The following MAP3K20 variants were observed in gnomAD, a reference collection of about 807,000 sequenced individuals.
The protein encoded by MAP3K20 is mitogen-activated protein kinase kinase kinase 20, also known as HCCS-4.
A neutral mutation model predicts 85.7 loss-of-function variants in MAP3K20; 40 were observed. That is an observed-to-expected ratio of 0.47 (90% CI 0.36 to 0.61). The LOEUF (loss-of-function observed/expected upper bound fraction) is 0.61. MAP3K20 is among the 20% of genes least tolerant of loss of function. The pLI, the probability that MAP3K20 is intolerant of heterozygous loss-of-function variation, is 0.00. For missense variants in MAP3K20, 817 were observed against 961.7 expected (o/e 0.85, Z 1.99); for synonymous variants, 325 against 327.7 (o/e 0.99, Z 0.09).
intron 5 of MAP3K20, 86 bp downstream of exon 5, chr2:173,187,709 T>A: frequency 8.0e-7 from 1 of 1,251,464 alleles, no homozygotes; most frequent in Non-Finnish European, 1.1e-6. Flanking sequence ...CTTTTACATA[T>A]CTTTTGTAAC....
At chr2:173,086,400 T>A (rs1398352789) in intron 1 of MAP3K20, among the ~76,000 whole-genome samples, 2 of 152,236 alleles carry the variant, frequency 1.3e-5, no homozygotes, top group Admixed American at 1.3e-4. Context: ...TTCATGTATA[T>A]GGGAGTGGAA....
chr2:173,143,935 T>A (rs995582726), intron 2 of MAP3K20, among the ~76,000 whole-genome samples: 1 of 151,858 alleles, frequency 6.6e-6, no homozygotes, highest in Non-Finnish European at 1.5e-5. Flanking sequence ...TACATTGAAA[T>A]AAATTCATCA....
intron 2 of MAP3K20, among the ~76,000 whole-genome samples, chr2:173,138,876 AC>A (rs1215690483): frequency 1.3e-5 from 2 of 152,230 alleles, no homozygotes; most frequent in African/African-American, 4.8e-5. Flanking sequence ...GGGCCATAGT[AC>A]CACATGAATT....
At chr2:173,144,655 G>A (rs1387990785) in intron 2 of MAP3K20, among the ~76,000 whole-genome samples, 1 of 151,974 alleles carries the variant, frequency 6.6e-6, no homozygotes, top group Non-Finnish European at 1.5e-5. Context: ...CCATGATCTC[G>A]CCACTGCACT....
intron 1 of MAP3K20, among the ~76,000 whole-genome samples, chr2:173,084,781 A>G (rs1182559859): frequency 1.3e-5 from 2 of 152,202 alleles, no homozygotes; most frequent in Non-Finnish European, 2.9e-5. Flanking sequence ...GAAAACCATA[A>G]TTTCCATTAA....
intron 8 of MAP3K20, among the ~76,000 whole-genome samples, chr2:173,202,440 C>A (rs1277388496): frequency 6.6e-6 from 1 of 152,160 alleles, no homozygotes; most frequent in African/African-American, 2.4e-5. Context: ...TGCAAAACTT[C>A]TTTGGCAAAC....
chr2:173,228,304 C>T (rs1205088283), intron 11 of MAP3K20, among the ~76,000 whole-genome samples: 2 of 152,098 alleles, frequency 1.3e-5, no homozygotes, highest in Non-Finnish European at 2.9e-5. Flanking sequence ...CCATTCCCAT[C>T]CTTCCCTCCT....
At chr2:173,182,308 C>T (rs906228966) in intron 3 of MAP3K20, among the ~76,000 whole-genome samples, 1 of 152,148 alleles carries the variant, frequency 6.6e-6, no homozygotes, top group East Asian at 1.9e-4. Context: ...GGTTGCCCAA[C>T]TTTATGAACT....
chr2:173,119,221 G>A (rs751609436), intron 2 of MAP3K20, among the ~76,000 whole-genome samples: 5 of 152,214 alleles, frequency 3.3e-5, no homozygotes, highest in Non-Finnish European at 7.3e-5. Context: ...CAGCCGACTG[G>A]GTGGTGTCAC....
At chr2:173,150,860 C>T (rs1210885448) in intron 2 of MAP3K20, among the ~76,000 whole-genome samples, 2 of 151,988 alleles carry the variant, frequency 1.3e-5, no homozygotes, top group African/African-American at 4.8e-5. Flanking sequence ...CCACACCCGG[C>T]CAAAAAAAAT....
At chr2:173,180,560 C>T (rs1018864447) in intron 3 of MAP3K20, among the ~76,000 whole-genome samples, 1 of 152,120 alleles carries the variant, frequency 6.6e-6, no homozygotes, top group African/African-American at 2.4e-5. Context: ...CCTGTAGTCC[C>T]AGCTACTAGA....
Position 173,258,754 on chromosome 2 carries a change from A to T in MAP3K20, c.1415A>T (p.Tyr472Phe), listed in dbSNP as rs1558915116. Residue 472 changes from tyrosine (Y) to phenylalanine (F), a missense_variant, in exon 17 of 20, where the codon TAC becomes TTC. By Grantham distance (22) the Tyr-to-Phe change is conservative (BLOSUM62 3). Around this residue, in one of 4 missense-constraint regions of MAP3K20, gnomAD observed 454 missense variants for 476.9 expected, o/e 0.95. Coordinates refer to ENST00000375213, the MANE Select transcript of MAP3K20 (RefSeq NM_016653.3). Reference protein sequence around the residue: ...EMDGDEIAITYIKDVTFNTNL... With the variant: ...EMDGDEIAITFIKDVTFNTNL... ...GATGGGGATGAAATTGCAATAACCT[A>T]CATAAAAGATGTGACATTCAACACT... 1 of 1,613,276 alleles carries T rather than the reference A, an allele frequency of 6.2e-7. No homozygotes were observed. The highest frequency in any genetic ancestry group is 1.1e-5 in the South Asian group (1 of 90,986).
intron 2 of MAP3K20, among the ~76,000 whole-genome samples, chr2:173,132,356 C>G (rs968362900): frequency 6.6e-6 from 1 of 152,168 alleles, no homozygotes; most frequent in Non-Finnish European, 1.5e-5. Context: ...CTTTCGTCTT[C>G]TCCTCCGGCT....
At chr2:173,264,539 A>G (rs1345786693) in intron 19 of MAP3K20, among the ~76,000 whole-genome samples, 1 of 152,206 alleles carries the variant, frequency 6.6e-6, no homozygotes, top group Non-Finnish European at 1.5e-5. Flanking sequence ...CCCGTCAGCA[A>G]TTCTGCTTTG....
intron 14 of MAP3K20, among the ~76,000 whole-genome samples, chr2:173,233,413 TGTG>T: frequency 6.6e-6 from 1 of 152,328 alleles, no homozygotes; most frequent in Non-Finnish European, 1.5e-5. Context: ...CTGTGTTCAT[TGTG>T]GTGGTCGTGG....
intron 16 of MAP3K20, among the ~76,000 whole-genome samples, chr2:173,249,884 A>G (rs1018266398): frequency 6.6e-6 from 1 of 152,184 alleles, no homozygotes; most frequent in Non-Finnish European, 1.5e-5. Context: ...AGTATGTCTC[A>G]CTTGATTTGT....
intron 7 of MAP3K20, among the ~76,000 whole-genome samples, chr2:173,191,714 G>C (rs912296074): frequency 6.6e-6 from 1 of 152,210 alleles, no homozygotes; most frequent in African/African-American, 2.4e-5. Flanking sequence ...TCTGCTGCCA[G>C]TCTTAGAGTA....
At chr2:173,166,861 C>T (rs1287537981) in intron 2 of MAP3K20, 1 of 150,044 alleles carries the variant, frequency 6.7e-6, no homozygotes. Context: ...GGAAAAACAG[C>T]AATTCAGTGA....
At chr2:173,247,336 C>CT (rs10709877) in intron 16 of MAP3K20, among the ~76,000 whole-genome samples, 137 of 149,376 alleles carry the variant, frequency 9.2e-4, no homozygotes, top group Middle Eastern at 3.4e-3. Context: ...TCAAATAGGG[C>CT]TTTTTTTTTT....
Sources: allele counts gnomAD v4.1 joint callset (sites outside exome capture counted in the v4.1 genomes callset), GRCh38; gene constraint gnomAD v4.1.1; regional missense constraint gnomAD v4.1.1; transcripts MANE v1.5; gene names NCBI Gene and HGNC (gene_info 2026-07-23, HGNC 2026-07-21).